The following DACH1 variants were observed in gnomAD, a reference collection of about 807,000 sequenced individuals.
The protein encoded by DACH1 is dachshund homolog 1.
A neutral mutation model predicts 54.2 loss-of-function variants in DACH1; 12 were observed. The observed-to-expected ratio is 0.22, with a 90% CI of 0.14 to 0.36. The LOEUF is 0.36. Ranked by LOEUF, DACH1 falls within the 10% of genes least tolerant of loss-of-function variation. The pLI is 1.00. For synonymous variants in DACH1, 386 were observed against 366.2 expected (o/e 1.05, Z -0.62); for missense variants, 805 against 929.8 (o/e 0.87, Z 1.75).
At chr13:71,573,408 G>A (rs1885338280) in intron 3 of DACH1, 1 of 715,506 alleles carries the variant, frequency 1.4e-6, no homozygotes, top group Non-Finnish European at 2.6e-6. Flanking sequence ...ACTAAAGAAT[G>A]CCATCGTACC....
chr13:71,805,344 C>T (rs962316596), intron 1 of DACH1, among the ~76,000 whole-genome samples: 4 of 152,102 alleles, frequency 2.6e-5, no homozygotes, highest in Admixed American at 6.6e-5. Flanking sequence ...TGGGAGGTTT[C>T]GGTTGCCTCA....
intron 1 of DACH1, among the ~76,000 whole-genome samples, chr13:71,741,771 A>AT (rs1325734050): frequency 2.0e-5 from 3 of 152,086 alleles, no homozygotes; most frequent in Admixed American, 6.6e-5. Context: ...TTTTTCTCTC[A>AT]TTTTTTAGGC....
chr13:71,733,183 A>G (rs1166434322), intron 1 of DACH1, among the ~76,000 whole-genome samples: 1 of 152,158 alleles, frequency 6.6e-6, no homozygotes, highest in Non-Finnish European at 1.5e-5. Context: ...GTTTTTTGAG[A>G]CGGAGTCTCA....
chr13:71,846,897 C>G (rs928425969), intron 1 of DACH1, among the ~76,000 whole-genome samples: 2 of 152,120 alleles, frequency 1.3e-5, no homozygotes, highest in African/African-American at 4.8e-5. Context: ...TAATCCCTAT[C>G]AAACACTAAA....
At position 71,600,501 on chromosome 13, in the gene DACH1, T is replaced by C. The variant is rs551688988; in HGVS notation, c.1127-27489A>G. 2.6e-5 allele frequency among the ~76,000 whole-genome samples: 4 copies of C among 152,170 alleles called. No homozygotes were observed. In the South Asian group the frequency reaches 6.2e-4, roughly 24 times the overall value. ...ATGATTATATGTTATATCCTTATAA[T>C]ATATATCATGTGCATATATACAAGT... is the stretch of plus-strand genomic sequence containing the variant. On this transcript the variant is annotated intron_variant, in intron 3 of 10. Transcript: ENST00000613252.
In DACH1 at chr13:71,630,692, A is replaced by C. The variant is rs2138569743; in HGVS notation, c.990T>G (p.Ala330=). Residue 330 remains alanine (A), a synonymous_variant, in exon 3 of 11, where the codon GCT becomes GCG. Coordinates refer to ENST00000613252, the MANE Select transcript of DACH1 (RefSeq NM_080759.6). ...PTGLTAAAAA[A]AAATNAAIAE... is the part of the protein sequence containing the mutation. ...CAATAGCTGCATTGGTAGCAGCAGC[A>C]GCTGCTGCAGCGGCTGCTGTCAGAC... The C allele has an allele frequency of 1.3e-6, 2 of 1,589,268 alleles. No individual in the cohort carries two copies. The highest frequency in any genetic ancestry group is 4.5e-5 in the East Asian group (2 of 44,466).
intron 6 of DACH1, among the ~76,000 whole-genome samples, chr13:71,505,296 T>C (rs1359052863): frequency 1.3e-5 from 2 of 152,148 alleles, no homozygotes; most frequent in African/African-American, 4.8e-5. Context: ...TCGTCCAGGA[T>C]GGTCTCAATC....
At chr13:71,529,790 ATTTTAT>A (rs914610889) in intron 6 of DACH1, among the ~76,000 whole-genome samples, 3 of 152,194 alleles carry the variant, frequency 2.0e-5, no homozygotes, top group African/African-American at 7.2e-5. Flanking sequence ...GTTTGTGAAT[ATTTTAT>A]TTTTATTTTT....
rs187584906 is a variant in DACH1 at position 71,639,529 on chromosome 13, C to T, written c.965-8812G>A. Among the ~76,000 whole-genome samples, 644 of 152,190 alleles carry T rather than the reference C, an allele frequency of 4.2e-3. 2 individuals are homozygous for T. Among genetic ancestry groups the T allele is most frequent in the Admixed American group, 7.9e-3 (121 of 15,282 alleles). ...TACTAACAACAACAAAAAAACCCCA[C>T]TAATTTGGAGATATATACAGTAAGA... On this transcript the variant is annotated intron_variant, in intron 2 of 10. Coordinates refer to ENST00000613252, the MANE Select transcript of DACH1 (RefSeq NM_080759.6).
At chr13:71,865,675 TC>T (rs1478216263) in intron 1 of DACH1, among the ~76,000 whole-genome samples, 11 of 151,830 alleles carry the variant, frequency 7.2e-5, no homozygotes, top group Non-Finnish European at 4.4e-5. Flanking sequence ...CAGCAGCCCA[TC>T]CCCGGGACCC....
chr13:71,865,606 G>A (rs1412397090), intron 1 of DACH1, among the ~76,000 whole-genome samples: 1 of 152,108 alleles, frequency 6.6e-6, no homozygotes, highest in African/African-American at 2.4e-5. Flanking sequence ...CTCCAGCAAA[G>A]GCGCCGTCCT....
intron 6 of DACH1, among the ~76,000 whole-genome samples, chr13:71,503,801 T>G (rs1375443329): frequency 2.0e-5 from 3 of 152,234 alleles, no homozygotes. Context: ...GAAGGTTAAA[T>G]TAAGTGACCT....
Position 71,855,835 on chromosome 13 carries a change from G to A in DACH1, c.848+10087C>T, listed in dbSNP as rs113146558. ...TTTGGAAATGTTATTACAAGGAAAA[G>A]GTCCTAAAAAAGTTTCTTCTCCTAC... On this transcript the variant is annotated intron_variant, in intron 1 of 10. Transcript: ENST00000613252. Among the ~76,000 whole-genome samples the A allele has an allele frequency of 5.6e-3, 849 of 151,908 alleles. 11 individuals carry two copies. The highest frequency in any genetic ancestry group is 0.019 in the African/African-American group (808 of 41,494).
chr13:71,866,311 ACTGCTGCTGCTG>A lies in DACH1; in HGVS notation c.447_458del (p.Ser160_Ser163del), dbSNP rs751513415. On this transcript the variant is annotated inframe_deletion, in exon 1 of 11. Coordinates refer to ENST00000613252, the MANE Select transcript of DACH1 (RefSeq NM_080759.6). ...TGCTGCTACTGCTGCTGCTGCTACTACTGCTGCTGCTGCTGCTGCTGCTACTGCTGCTGCTGC... is the reference window on the plus strand; with the variant it reads ...TGCTGCTACTGCTGCTGCTGCTACTACTGCTGCTGCTACTGCTGCTGCTGC... 40 of 1,541,512 alleles carry A rather than the reference ACTGCTGCTGCTG, an allele frequency of 2.6e-5. No homozygotes were observed. Among genetic ancestry groups the A allele is most frequent in the Non-Finnish European group, 3.1e-5 (35 of 1,140,814 alleles).
At chr13:71,485,461 T>C (rs1452149590) in intron 7 of DACH1, among the ~76,000 whole-genome samples, 1 of 149,980 alleles carries the variant, frequency 6.7e-6, no homozygotes, top group Admixed American at 6.6e-5. Context: ...TATATAAATT[T>C]TATAAATTTC....
intron 3 of DACH1, among the ~76,000 whole-genome samples, chr13:71,606,431 T>C (rs1465974537): frequency 6.6e-6 from 1 of 152,052 alleles, no homozygotes; most frequent in African/African-American, 2.4e-5. Flanking sequence ...AGAACTATTT[T>C]CAAGGATTTC....
At chr13:71,687,474 G>A (rs899465301) in intron 1 of DACH1, among the ~76,000 whole-genome samples, 1 of 151,824 alleles carries the variant, frequency 6.6e-6, no homozygotes, top group African/African-American at 2.4e-5. Context: ...TAAATACATA[G>A]AAAAAAAGAC....
chr13:71,763,277 A>G (rs1298805787), intron 1 of DACH1, among the ~76,000 whole-genome samples: 1 of 152,218 alleles, frequency 6.6e-6, no homozygotes, highest in African/African-American at 2.4e-5. Flanking sequence ...TTGGTCACGT[A>G]TCAAAGTCAC....
intron 1 of DACH1, among the ~76,000 whole-genome samples, chr13:71,740,257 T>G (rs1341947907): frequency 2.6e-5 from 4 of 152,088 alleles, no homozygotes; most frequent in African/African-American, 9.7e-5. Flanking sequence ...TCAAATAAAA[T>G]GAATTCCAAA....
Sources: gnomAD v4.1 joint callset for allele counts (sites outside exome capture counted in the v4.1 genomes callset) on GRCh38, gnomAD v4.1.1 for gene constraint, MANE v1.5 for transcripts, NCBI Gene and HGNC (gene_info 2026-07-23, HGNC 2026-07-21) for gene names.